RTN4: variants seen among roughly 807,000 people sequenced by gnomAD.
RTN4 encodes reticulon 4, also known as reticulon-4.
RTN4 carries 32 observed loss-of-function variants against 90.4 expected under a neutral mutation model. The ratio of observed to expected loss-of-function variants is 0.35; its 90% CI spans 0.27 to 0.48. The LOEUF (loss-of-function observed/expected upper bound fraction) is 0.48. RTN4 is among the 20% of genes least tolerant of loss of function. The probability of loss-of-function intolerance (pLI) is 0.99; values close to 1 mark genes in which losing one functional copy is unlikely to be tolerated. For missense variants in RTN4, 1,706 were observed against 1,430.2 expected (o/e 1.19, Z -3.11); for synonymous variants, 629 against 552.5 (o/e 1.14, Z -1.94).
intron 2 of RTN4, among the ~76,000 whole-genome samples, chr2:55,079,649 ATAG>A (rs1335946094): frequency 4.6e-5 from 7 of 152,196 alleles, no homozygotes; most frequent in Non-Finnish European, 1.0e-4. Context: ...TACTATACTC[ATAG>A]GACAAAATGT....
chr2:55,022,046 C>T (rs1681480914), intron 3 of RTN4, among the ~76,000 whole-genome samples: 1 of 152,158 alleles, frequency 6.6e-6, no homozygotes, highest in Admixed American at 6.5e-5. Flanking sequence ...AGGCAATGCC[C>T]CCTTTTCTTC....
intron 2 of RTN4, among the ~76,000 whole-genome samples, chr2:55,077,792 C>CACACACAG (rs1668630695): frequency 6.8e-6 from 1 of 146,406 alleles, no homozygotes; most frequent in Non-Finnish European, 1.5e-5. Flanking sequence ...CACACACACA[C>CACACACAG]AGACACACCA....
chr2:55,020,123 T>C (rs915884151), intron 3 of RTN4, among the ~76,000 whole-genome samples: 4 of 152,136 alleles, frequency 2.6e-5, no homozygotes, highest in African/African-American at 9.7e-5. Context: ...AAAATGGCCG[T>C]AATATCCAAA....
chr2:55,127,407 C>T, the RTN4 span, among the ~76,000 whole-genome samples: 1 of 152,226 alleles, frequency 6.6e-6, no homozygotes, highest in East Asian at 1.9e-4. Flanking sequence ...TCTTCTCCAA[C>T]TTCCACTACC....
intron 4 of RTN4, among the ~76,000 whole-genome samples, chr2:54,985,891 A>T (rs1469170001): frequency 6.6e-6 from 1 of 152,232 alleles, no homozygotes; most frequent in Non-Finnish European, 1.5e-5. Context: ...ACAAGTTAGA[A>T]ATAGTTTTTA....
At chr2:55,057,472 TG>T (rs1367096289) in intron 2 of RTN4, among the ~76,000 whole-genome samples, 1 of 152,182 alleles carries the variant, frequency 6.6e-6, no homozygotes, top group Non-Finnish European at 1.5e-5. Context: ...GTCAGGCACT[TG>T]GGTACTCAAT....
intron 1 of RTN4, among the ~76,000 whole-genome samples, chr2:55,091,135 G>A (rs940770518): frequency 2.6e-5 from 4 of 152,178 alleles, no homozygotes; most frequent in African/African-American, 9.7e-5. Flanking sequence ...ACTACCTGGT[G>A]GTAGCAGCCA....
intron 3 of RTN4, among the ~76,000 whole-genome samples, chr2:55,005,304 A>G (rs997017867): frequency 1.3e-5 from 2 of 152,220 alleles, no homozygotes; most frequent in Non-Finnish European, 2.9e-5. Context: ...GATGAGGAGT[A>G]CACAGACTTG....
chr2:54,987,781 C>G, intron 3 of RTN4, 83 bp from the exon 4 acceptor site: 1 of 1,052,496 alleles, frequency 9.5e-7, no homozygotes, highest in Non-Finnish European at 1.4e-6. Flanking sequence ...AAAAACGCTA[C>G]TACATAAAGT....
At chr2:55,079,816 G>A (rs1668675998) in intron 2 of RTN4, among the ~76,000 whole-genome samples, 1 of 152,116 alleles carries the variant, frequency 6.6e-6, no homozygotes, top group Non-Finnish European at 1.5e-5. Flanking sequence ...CATAAACTCT[G>A]AAACTAGTAC....
At chr2:55,008,878 T>C (rs915575830) in intron 3 of RTN4, among the ~76,000 whole-genome samples, 1 of 152,176 alleles carries the variant, frequency 6.6e-6, no homozygotes, top group Non-Finnish European at 1.5e-5. Context: ...AGCTACCATA[T>C]ATCAATTCAT....
At chr2:55,076,741 C>A (rs762080606) in intron 2 of RTN4, among the ~76,000 whole-genome samples, 1 of 152,028 alleles carries the variant, frequency 6.6e-6, no homozygotes, top group Non-Finnish European at 1.5e-5. Context: ...CCCCGCGTGT[C>A]TTGGGAGGGA....
chr2:55,023,091 A>G (rs1474166923), intron 3 of RTN4, among the ~76,000 whole-genome samples: 1 of 151,782 alleles, frequency 6.6e-6, no homozygotes, highest in East Asian at 1.9e-4. Context: ...ACCTTTTTCT[A>G]TTCACATCCT....
At chr2:55,099,804 G>A (rs1667819346) in intron 1 of RTN4, among the ~76,000 whole-genome samples, 3 of 152,080 alleles carry the variant, frequency 2.0e-5, no homozygotes, top group Non-Finnish European at 2.9e-5. Flanking sequence ...AGCTAAATAT[G>A]TAGAATCCTG....
intron 3 of RTN4, among the ~76,000 whole-genome samples, chr2:55,004,999 G>A (rs1186286783): frequency 6.6e-6 from 1 of 152,116 alleles, no homozygotes; most frequent in Non-Finnish European, 1.5e-5. Flanking sequence ...GGAAGAAAGG[G>A]CCTTCAAGGT....
In RTN4 at chr2:55,041,277, G is replaced by C. The variant is rs559605210; in HGVS notation, c.556+8468C>G. Among the ~76,000 whole-genome samples the C allele has an allele frequency of 1.2e-4, 18 of 151,840 alleles. No homozygotes were observed. In the South Asian group the frequency reaches 2.9e-3, roughly 24 times the overall value. On this transcript the variant is annotated intron_variant, in intron 1 of 8. Transcript: ENST00000337526. The stretch of plus-strand genomic sequence containing the variant: ...TTAAATACATGTTAATAAAAACCAC[G>C]TGTTTATGGAAAAATACACAATATC...
chr2:55,104,235 T>A (rs972462510), intron 1 of RTN4, among the ~76,000 whole-genome samples: 1 of 150,618 alleles, frequency 6.6e-6, no homozygotes, highest in African/African-American at 2.5e-5. Flanking sequence ...TGCTTTTTTT[T>A]AAGTAGAGAC....
chr2:55,000,375 T>A (rs185255461), intron 3 of RTN4, among the ~76,000 whole-genome samples: 9 of 152,282 alleles, frequency 5.9e-5, no homozygotes, highest in Admixed American at 3.3e-4. Flanking sequence ...CCTTGTCTCT[T>A]CCACTAAATC....
At chr2:54,988,688 AGATAT>A (rs1267050823) in intron 3 of RTN4, among the ~76,000 whole-genome samples, 2 of 152,216 alleles carry the variant, frequency 1.3e-5, no homozygotes, top group Non-Finnish European at 2.9e-5. Context: ...AAGAGTTGAT[AGATAT>A]AATGCCATAA....
Sources: allele counts gnomAD v4.1 joint callset (sites outside exome capture counted in the v4.1 genomes callset), GRCh38; gene constraint gnomAD v4.1.1; transcripts MANE v1.5; gene names NCBI Gene and HGNC (gene_info 2026-07-23, HGNC 2026-07-21).